The following KRT40 variants were observed in gnomAD, a reference collection of about 807,000 sequenced individuals.
The protein encoded by KRT40 is keratin, type I cytoskeletal 40.
Under a neutral mutation model 43.5 loss-of-function variants are expected in KRT40, and 47 were observed. That is an observed-to-expected ratio of 1.08 (90% CI 0.86 to 1.38). The LOEUF (loss-of-function observed/expected upper bound fraction) is 1.38. Ranked by LOEUF, KRT40 falls within the 40% of genes most tolerant of loss-of-function variation. The pLI, the probability that KRT40 is intolerant of heterozygous loss-of-function variation, is 0.00. For synonymous variants in KRT40, 212 were observed against 214.0 expected (o/e 0.99, Z 0.08); for missense variants, 573 against 523.6 (o/e 1.09, Z -0.92).
chr17:40,982,399 G>A lies in KRT40; in HGVS notation c.595C>T (p.Leu199=). The A allele has an allele frequency of 6.2e-7, 1 of 1,611,602 alleles. No homozygotes were observed. Among genetic ancestry groups the A allele is most frequent in the Non-Finnish European group, 8.5e-7 (1 of 1,178,888 alleles). The change falls in exon 3 of 7, where the codon CTG becomes TTG. Residue 199 remains leucine (L), a synonymous_variant. Transcript: ENST00000377755. ...EADISSLHGI[L]EELTLCKSDL... ...GATTTGCACAGGGTCAGTTCCTCCA[G>A]GATCCCATGCAGGCTGCTGATGTCA...
intron 5 of KRT40, among the ~76,000 whole-genome samples, chr17:40,979,822 GT>G (rs1912035294): frequency 6.6e-6 from 1 of 152,152 alleles, no homozygotes; most frequent in African/African-American, 2.4e-5. Context: ...ATGTTTTCAT[GT>G]TGGACAGCAG....
rs1167980979 is a variant in KRT40, at chr17:40,980,782, C to T, written c.975+3G>A. ...CAACGGACACTGCCTTTGCCTCACGCACCAGGCTTTGCTGTGCTTGGAGCT... is the reference window on the plus strand; with the variant it reads ...CAACGGACACTGCCTTTGCCTCACGTACCAGGCTTTGCTGTGCTTGGAGCT... On this transcript the variant is annotated splice_donor_region_variant and intron_variant, in intron 5 of 6. Transcript: ENST00000377755. The T allele has an allele frequency of 1.3e-6, 2 of 1,593,884 alleles. No homozygotes were observed. The highest frequency in any genetic ancestry group is 1.7e-6 in the Non-Finnish European group (2 of 1,174,660).
chr17:40,980,637 C>G, intron 5 of KRT40, 148 bp downstream of exon 5: 1 of 1,036,210 alleles, frequency 9.7e-7, no homozygotes, highest in South Asian at 1.7e-5. Flanking sequence ...AAGCTGTGGA[C>G]CTGTCACTTC....
In KRT40 at chr17:40,978,231, T is replaced by A; in HGVS notation, c.1262A>T (p.Tyr421Phe). The A allele has an allele frequency of 6.2e-7, 1 of 1,614,090 alleles. No homozygotes were observed. The highest frequency in any genetic ancestry group is 1.1e-5 in the South Asian group (1 of 91,070). ...GCAGTTTTCAACAGTGCAGATGACA[T>A]AGGCTGAGCATGGCTCACAAGTGTT... ...SSNTCEPCSA[Y>F]VICTVENCCL Residue 421 changes from tyrosine (Y) to phenylalanine (F), a missense_variant, in exon 7 of 7, where the codon TAT (tyrosine) becomes TTT (phenylalanine). Coordinates refer to ENST00000377755, the MANE Select transcript of KRT40 (RefSeq NM_001389244.1).
chr17:40,983,058 T>G lies in KRT40; in HGVS notation c.518A>C (p.Asp173Ala), dbSNP rs769968213. ...QLDNCKLATDDFKSKYESELS... is the reference protein window; with the variant it reads ...QLDNCKLATDAFKSKYESELS... Reference sequence around the variant, plus strand: ...AAATTAAACTTACTTTGACTTAAAGTCATCAGTGGCCAGTTTGCAGTTGTC... The same window carrying G: ...AAATTAAACTTACTTTGACTTAAAGGCATCAGTGGCCAGTTTGCAGTTGTC... The change falls in exon 2 of 7, where the codon GAC (aspartate) becomes GCC (alanine). Residue 173 changes from aspartate to alanine, a missense_variant. Physicochemically the swap from Asp to Ala is moderately radical, Grantham distance 126. Coordinates refer to ENST00000377755, the MANE Select transcript of KRT40 (RefSeq NM_001389244.1). 7.3e-6 allele frequency: 10 copies of G among 1,362,794 alleles called. No homozygotes were observed. In the Admixed American group the frequency reaches 1.0e-4, roughly 14 times the overall value. 84.4% of individuals were successfully genotyped at this position (1,362,794 alleles called of 1,614,324 possible). A position where few individuals can be genotyped will look rare whatever the true frequency, so the allele number is the denominator to read the frequency against.
Position 40,977,851 on chromosome 17 carries a change from T to G in KRT40, c.*346A>C. On this transcript the variant is annotated 3_prime_UTR_variant, in exon 7 of 7. Transcript: ENST00000377755. Reference sequence around the variant, plus strand: ...AGTTAAAAAATATTTTCAGCCTGGGTTTATGTACATTGAAACTATGGTTAT... The same window carrying G: ...AGTTAAAAAATATTTTCAGCCTGGGGTTATGTACATTGAAACTATGGTTAT... The G allele has an allele frequency of 5.7e-6, 1 of 174,660 alleles. No individual in the cohort carries two copies. Among genetic ancestry groups the G allele is most frequent in the South Asian group, 1.8e-4 (1 of 5,424 alleles). 10.8% of individuals were successfully genotyped at this position (174,660 alleles called of 1,614,324 possible).
chr17:40,980,966 C>A (rs1347549357), intron 4 of KRT40, 24 bp downstream of exon 4: 1 of 1,614,098 alleles, frequency 6.2e-7, no homozygotes, highest in South Asian at 1.1e-5. Flanking sequence ...GTAAGCCTGA[C>A]ATTTTTTCAA....
chr17:40,979,654 G>A (rs1189652003), intron 5 of KRT40, among the ~76,000 whole-genome samples: 1 of 152,138 alleles, frequency 6.6e-6, no homozygotes, highest in East Asian at 1.9e-4. Flanking sequence ...CAACATATGA[G>A]AGGAAAGATT....
rs755443179 is a variant in KRT40, at chr17:40,984,227, C to T, written c.47G>A (p.Gly16Asp). 35 of 1,613,726 alleles carry T rather than the reference C, an allele frequency of 2.2e-5. No homozygotes were observed. In the East Asian group the frequency reaches 7.6e-4, roughly 35 times the overall value. ...GGCAGGTGCACAACCGGAAGCCGTG[C>T]CACAGGACTCAGGAGAGCAGTGTGT... ...SSTHCSPESCGTASGCAPASS... is the reference protein window; with the variant it reads ...SSTHCSPESCDTASGCAPASS... The change falls in exon 1 of 7, where the codon GGC becomes GAC. Residue 16 changes from glycine (G) to aspartate (D), a missense_variant. By Grantham distance (94) the Gly-to-Asp change is moderately conservative. Coordinates refer to ENST00000377755, the MANE Select transcript of KRT40 (RefSeq NM_001389244.1).
chr17:40,982,518 G>A, intron 2 of KRT40, 55 bp from the exon 3 acceptor site: 5 of 1,413,048 alleles, frequency 3.5e-6, no homozygotes, highest in Non-Finnish European at 3.7e-6. Context: ...TGTGCAAAGT[G>A]TGGGGATACA....
rs1490942065 is a variant in KRT40 at position 40,984,091 on chromosome 17, T to C, written c.183A>G (p.Pro61=). ...RSRGLTGCLL[P]CYFTGSCNSP... is the part of the protein sequence containing the mutation. ...TATTACAACTCCCAGTAAAGTAGCA[T>C]GGCAGGAGGCAACCAGTCAGCCCGC... is the stretch of plus-strand genomic sequence containing the variant. Residue 61 remains proline (P), a synonymous_variant, in exon 1 of 7, where the codon CCA becomes CCG. Coordinates refer to ENST00000377755, the MANE Select transcript of KRT40 (RefSeq NM_001389244.1). 2.5e-6 allele frequency: 4 copies of C among 1,613,952 alleles called. No homozygotes were observed. The highest frequency in any genetic ancestry group is 2.5e-6 in the Non-Finnish European group (3 of 1,180,018).
At chr17:40,981,201 C>A in intron 3 of KRT40, 50 bp from the exon 4 acceptor site, 1 of 1,610,714 alleles carries the variant, frequency 6.2e-7, no homozygotes, top group African/African-American at 1.3e-5. Flanking sequence ...GGGAAAAATC[C>A]ATTTGACATC....
In KRT40 at chr17:40,981,111, C is replaced by T. The variant is rs753590996; in HGVS notation, c.728G>A (p.Ser243Asn). ...GGTGGGGGCAGTGTCCAGCTCCACA[C>T]TGAGGCGGTCGCCAAGCTGTTCACG... Reference protein sequence around the residue: ...LLREQLGDRLSVELDTAPTLD... With the variant: ...LLREQLGDRLNVELDTAPTLD... Residue 243 changes from serine to asparagine, a missense_variant, in exon 4 of 7, where the codon AGT becomes AAT. Physicochemically the swap from Ser to Asn is conservative, Grantham distance 46. Coordinates refer to ENST00000377755, the MANE Select transcript of KRT40 (RefSeq NM_001389244.1). 13 of 1,614,056 alleles carry T rather than the reference C, an allele frequency of 8.1e-6. No homozygotes were observed. In the East Asian group the frequency reaches 1.1e-4, roughly 14 times the overall value.
chr17:40,978,115 G>A lies in KRT40; in HGVS notation c.*82C>T, dbSNP rs1038681940. On this transcript the variant is annotated 3_prime_UTR_variant, in exon 7 of 7. Coordinates refer to ENST00000377755, the MANE Select transcript of KRT40 (RefSeq NM_001389244.1). ...GAGAGCCTCCTGGATTTGTGCTTCC[G>A]GTTTGGATGTCCCTGGTTGAAGCCC... 1.8e-5 allele frequency: 18 copies of A among 1,027,684 alleles called. No individual in the cohort carries two copies. The highest frequency in any genetic ancestry group is 9.6e-5 in the East Asian group (4 of 41,870). The allele number at this position is 1,027,684 out of a possible 1,614,324, so 63.7% of individuals were successfully genotyped here.
upstream of KRT40, chr17:40,986,954 A>C (rs527332185): frequency 6.6e-6 from 1 of 152,234 alleles, no homozygotes; most frequent in African/African-American, 2.4e-5. Context: ...GTTCTGTCTC[A>C]CAAACCCTAA....
Position 40,978,826 on chromosome 17 carries a change from G to T in KRT40, c.1174C>A (p.Leu392Met). 3 of 1,612,584 alleles carry T rather than the reference G, an allele frequency of 1.9e-6. No individual in the cohort carries two copies. The South Asian group carries it at 3.3e-5, about 18-fold the overall frequency. The change falls in exon 6 of 7, where the codon CTG becomes ATG. Residue 392 changes from leucine to methionine, a missense_variant. Leu to Met is a conservative substitution (Grantham distance 15). Transcript: ENST00000377755. Reference protein sequence around the residue: ...LEGEINTYWGLLDSEDSRLSC... With the variant: ...LEGEINTYWGMLDSEDSRLSC... ...TGCCTGCTGTCCTCGCTGTCCAGCA[G>T]GCCCCAGTACGTGTTGATCTCACCC...
chr17:40,984,728 C>CAAAATG (rs1205732853), upstream of KRT40, among the ~76,000 whole-genome samples: 10 of 152,266 alleles, frequency 6.6e-5, no homozygotes, highest in South Asian at 2.1e-3. Flanking sequence ...TTACAGCTCA[C>CAAAATG]AAAATGACAA....
chr17:40,986,600 T>C (rs1182370580), upstream of KRT40, among the ~76,000 whole-genome samples: 6 of 152,120 alleles, frequency 3.9e-5, no homozygotes, highest in Non-Finnish European at 2.9e-5. Context: ...TCTTGATAAA[T>C]TCTTCTTACC....
upstream of KRT40, chr17:40,986,338 A>G (rs1038241584): frequency 7.9e-5 from 12 of 152,306 alleles, no homozygotes; most frequent in Non-Finnish European, 1.5e-4. Context: ...GCCCTCCTGC[A>G]CAATATTCCT....
Sources: gnomAD v4.1 joint callset for allele counts (sites outside exome capture counted in the v4.1 genomes callset) on GRCh38, gnomAD v4.1.1 for gene constraint, MANE v1.5 for transcripts, NCBI Gene and HGNC (gene_info 2026-07-23, HGNC 2026-07-21) for gene names.